The following LIF variants were observed in gnomAD, a reference collection of about 807,000 sequenced individuals.
LIF encodes the protein leukemia inhibitory factor.
Under a neutral mutation model 15.0 loss-of-function variants are expected in LIF, and 9 were observed. The ratio of observed to expected loss-of-function variants is 0.60; its 90% CI spans 0.36 to 1.04. The LOEUF is 1.04. Among genes scored for constraint, LIF ranks in the 50% least tolerant of loss-of-function variants. The pLI, the probability that LIF is intolerant of heterozygous loss-of-function variation, is 0.01. For missense variants in LIF, 240 were observed against 266.7 expected (o/e 0.90, Z 0.70); for synonymous variants, 122 against 119.7 (o/e 1.02, Z -0.13).
chr22:30,245,930 C>G (rs911724903), intron 1 of LIF, among the ~76,000 whole-genome samples: 16 of 152,222 alleles, frequency 1.1e-4, no homozygotes, highest in African/African-American at 3.1e-4. Flanking sequence ...CCGACTCCCC[C>G]CAGGCCCCCT....
At chr22:30,244,569 G>T (rs1928802251) in intron 2 of LIF, among the ~76,000 whole-genome samples, 186 bp downstream of exon 2, 1 of 152,068 alleles carries the variant, frequency 6.6e-6, no homozygotes, top group South Asian at 2.1e-4. Flanking sequence ...GGGCACCCTG[G>T]GGAAGCTTCC....
At chr22:30,244,211 A>G (rs1445785311) in intron 2 of LIF, 150 bp from the exon 3 acceptor site, 3 of 713,686 alleles carry the variant, frequency 4.2e-6, no homozygotes, top group African/African-American at 1.8e-5. Context: ...TTGTCATGAG[A>G]GCCAAAACTA....
chr22:30,246,432 G>A (rs1168398426), intron 1 of LIF: 19 of 1,149,810 alleles, frequency 1.7e-5, no homozygotes, highest in South Asian at 4.0e-5. Flanking sequence ...GGGAAGAAGA[G>A]GAGGAGGAGG....
At chr22:30,246,021 C>T (rs937851178) in intron 1 of LIF, among the ~76,000 whole-genome samples, 1 of 152,234 alleles carries the variant, frequency 6.6e-6, no homozygotes, top group Non-Finnish European at 1.5e-5. Context: ...GGCTGGAGAC[C>T]TCCCCCGGAT....
chr22:30,243,841 G>A lies in LIF; in HGVS notation c.419C>T (p.Thr140Ile). The A allele has an allele frequency of 6.2e-7, 1 of 1,614,276 alleles. No homozygotes were observed. Among genetic ancestry groups the A allele is most frequent in the Admixed American group, 1.7e-5 (1 of 60,036 alleles). The change falls in exon 3 of 3, where the codon ACC becomes ATC. Residue 140 changes from threonine to isoleucine, a missense_variant. Coordinates refer to ENST00000249075, the MANE Select transcript of LIF (RefSeq NM_002309.5). The surrounding 1 kb of genome is among the most constrained non-coding windows in gnomAD (Gnocchi z 6.0). Reference sequence around the variant, plus strand: ...AAGGAGGCCTCGCAGGATGTCGGCGGTGGCGTTGAGCTTGCTGTGGAGGCT... The same window carrying A: ...AAGGAGGCCTCGCAGGATGTCGGCGATGGCGTTGAGCTTGCTGTGGAGGCT... ...ALSLHSKLNA[T>I]ADILRGLLSN...
intron 1 of LIF, among the ~76,000 whole-genome samples, chr22:30,245,864 C>G (rs1009174530): frequency 6.6e-6 from 1 of 152,306 alleles, no homozygotes; most frequent in South Asian, 2.1e-4. Flanking sequence ...GACAGGAGAG[C>G]TGGGAGCTGT....
rs1421874919 is a variant in LIF at position 30,242,653 on chromosome 22, T to G, written c.*998A>C. On this transcript the variant is annotated 3_prime_UTR_variant, in exon 3 of 3. Coordinates refer to ENST00000249075, the MANE Select transcript of LIF (RefSeq NM_002309.5). Reference sequence around the variant, plus strand: ...TCAGGGTTCCCTGAGACCCTGACCCTAAGTTCTGCTGTTCCCTTGCCCTGG... The same window carrying G: ...TCAGGGTTCCCTGAGACCCTGACCCGAAGTTCTGCTGTTCCCTTGCCCTGG... 1 of 152,686 alleles carries G rather than the reference T, an allele frequency of 6.5e-6. No homozygotes were observed. The highest frequency in any genetic ancestry group is 1.5e-5 in the Non-Finnish European group (1 of 68,036). 9.5% of individuals were successfully genotyped at this position (152,686 alleles called of 1,614,324 possible).
rs1928740327 is a variant in LIF, at chr22:30,243,313, C to T, written c.*338G>A. On this transcript the variant is annotated 3_prime_UTR_variant, in exon 3 of 3. Transcript: ENST00000249075. The surrounding 1 kb of genome is among the most constrained non-coding windows in gnomAD (Gnocchi z 6.0). ...GCTGTCTCACCCTGTGGTCAGGGCT[C>T]TTGTAGATGACTTGTGTAGTTTGTT... 2.4e-6 allele frequency: 1 copy of T among 414,264 alleles called. No homozygotes were observed. Among genetic ancestry groups the T allele is most frequent in the African/African-American group, 2.0e-5 (1 of 49,144 alleles). The allele number at this position is 414,264 out of a possible 1,614,324, so 25.7% of individuals were successfully genotyped here.
At chr22:30,245,994 G>A (rs952031425) in intron 1 of LIF, among the ~76,000 whole-genome samples, 8 of 152,228 alleles carry the variant, frequency 5.3e-5, no homozygotes, top group African/African-American at 1.9e-4. Flanking sequence ...TGGGGGCCGG[G>A]GTCAGCGGGC....
At position 30,243,469 on chromosome 22, in the gene LIF, T is replaced by A; in HGVS notation, c.*182A>T. 1.5e-6 allele frequency: 1 copy of A among 688,118 alleles called. No homozygotes were observed. Among genetic ancestry groups the A allele is most frequent in the Non-Finnish European group, 2.5e-6 (1 of 400,990 alleles). The allele number at this position is 688,118 out of a possible 1,614,324, so 42.6% of individuals were successfully genotyped here. On this transcript the variant is annotated 3_prime_UTR_variant, in exon 3 of 3. Transcript: ENST00000249075. The surrounding 1 kb of genome is among the most constrained non-coding windows in gnomAD (Gnocchi z 6.0). ...TCCCTCCCTATGGAAGTTTCCACTC[T>A]GCTCAGCTTCATCACAGCCCAGCCC...
At chr22:30,244,281 T>C (rs1465084460) in intron 2 of LIF, among the ~76,000 whole-genome samples, 3 of 151,930 alleles carry the variant, frequency 2.0e-5, no homozygotes, top group Non-Finnish European at 2.9e-5. Context: ...CAGTCATCAT[T>C]ATCATCATCA....
chr22:30,243,093 TTC>T lies in LIF; in HGVS notation c.*556_*557del, dbSNP rs1928733496. 1 of 164,212 alleles carries T rather than the reference TTC, an allele frequency of 6.1e-6. No individual in the cohort carries two copies. The highest frequency in any genetic ancestry group is 1.4e-5 in the Non-Finnish European group (1 of 73,998). 10.2% of individuals were successfully genotyped at this position (164,212 alleles called of 1,614,324 possible). On this transcript the variant is annotated 3_prime_UTR_variant, in exon 3 of 3. Transcript: ENST00000249075. The surrounding 1 kb of genome is among the most constrained non-coding windows in gnomAD (Gnocchi z 6.0). ...CTGCCAGATTGTTCCTATGCCCAAG[TTC>T]TCTGATCATCCTCAAAAGAAGACAG... is the stretch of plus-strand genomic sequence containing the variant.
rs1928828264 is a variant in LIF at position 30,245,025 on chromosome 22, C to T, written c.20-92G>A. The T allele has an allele frequency of 2.4e-6, 3 of 1,254,920 alleles. No individual in the cohort carries two copies. In the Middle Eastern group the frequency reaches 6.8e-4, roughly 284 times the overall value. 77.7% of individuals were successfully genotyped at this position (1,254,920 alleles called of 1,614,324 possible). A position where few individuals can be genotyped will look rare whatever the true frequency, so the allele number is the denominator to read the frequency against. ...CCGGATGGGGGTCCAACAATGGCCG[C>T]ATGGGAGAGGACTCCTGGTTCCCCC... On this transcript the variant is annotated intron_variant, in intron 1 of 2. Transcript: ENST00000249075.
intron 2 of LIF, 120 bp downstream of exon 2, chr22:30,244,635 T>G (rs1361884104): frequency 1.0e-6 from 1 of 964,368 alleles, no homozygotes. Context: ...AATCAAGCCC[T>G]CTCCCCATTC....
chr22:30,245,584 A>C (rs1468571604), intron 1 of LIF, among the ~76,000 whole-genome samples: 1 of 147,974 alleles, frequency 6.8e-6, no homozygotes, highest in African/African-American at 2.5e-5. Flanking sequence ...AGTGTCCCCT[A>C]TCTCACTCAA....
chr22:30,243,875 T>G lies in LIF; in HGVS notation c.385A>C (p.Ser129Arg). The G allele has an allele frequency of 6.2e-7, 1 of 1,614,212 alleles. No homozygotes were observed. The highest frequency in any genetic ancestry group is 1.1e-5 in the South Asian group (1 of 91,084). Residue 129 changes from serine to arginine, a missense_variant, in exon 3 of 3, where the codon AGT (serine) becomes CGT (arginine). By Grantham distance (110) the Ser-to-Arg change is moderately radical (BLOSUM62 -1). Transcript: ENST00000249075. The surrounding 1 kb of genome is among the most constrained non-coding windows in gnomAD (Gnocchi z 6.0). Reference protein sequence around the residue: ...ITRDQKILNPSALSLHSKLNA... With the variant: ...ITRDQKILNPRALSLHSKLNA... ...AGCTTGCTGTGGAGGCTGAGGGCAC[T>G]GGGGTTGAGGATCTTCTGGTCCCGG...
chr22:30,243,543 C>T lies in LIF; in HGVS notation c.*108G>A. On this transcript the variant is annotated 3_prime_UTR_variant, in exon 3 of 3. Transcript: ENST00000249075. This position sits in a 1 kb window ranked among gnomAD's most constrained non-coding sequence, Gnocchi z 6.0. ...ACCCTCGGGGTCTGCCAGCAGCCCC[C>T]ATTTGGGTTTAGCGATGCCCTGGGC... is the stretch of plus-strand genomic sequence containing the variant. 1.4e-6 allele frequency: 2 copies of T among 1,407,172 alleles called. No individual in the cohort carries two copies. Among genetic ancestry groups the T allele is most frequent in the South Asian group, 2.3e-5 (2 of 86,228 alleles). The allele number at this position is 1,407,172 out of a possible 1,614,324, so 87.2% of individuals were successfully genotyped here. A position where few individuals can be genotyped will look rare whatever the true frequency, so the allele number is the denominator to read the frequency against.
At chr22:30,246,558 GC>G in intron 1 of LIF, 118 bp downstream of exon 1, 1 of 1,379,862 alleles carries the variant, frequency 7.2e-7, no homozygotes, top group Non-Finnish European at 9.4e-7. Flanking sequence ...CTGCGCGGGC[GC>G]CCCAAGTGTT....
chr22:30,243,822 G>A lies in LIF; in HGVS notation c.438C>T (p.Gly146=). 6.2e-7 allele frequency: 1 copy of A among 1,614,240 alleles called. No individual in the cohort carries two copies. Among genetic ancestry groups the A allele is most frequent in the Non-Finnish European group, 8.5e-7 (1 of 1,180,042 alleles). The change falls in exon 3 of 3, where the codon GGC becomes GGT. Residue 146 remains glycine (G), a synonymous_variant. Transcript: ENST00000249075. The surrounding 1 kb of genome is among the most constrained non-coding windows in gnomAD (Gnocchi z 6.0). ...KLNATADILR[G]LLSNVLCRLC... The stretch of plus-strand genomic sequence containing the variant: ...GGCGGCACAGCACGTTGCTAAGGAG[G>A]CCTCGCAGGATGTCGGCGGTGGCGT...
Sources: gnomAD v4.1 joint callset for allele counts (sites outside exome capture counted in the v4.1 genomes callset) on GRCh38, gnomAD v4.1.1 for gene constraint, Gnocchi (gnomAD v3.1) non-coding constraint, MANE v1.5 for transcripts, NCBI Gene and HGNC (gene_info 2026-07-23, HGNC 2026-07-21) for gene names.